KCNA6: variants seen among roughly 807,000 people sequenced by gnomAD.
The protein encoded by KCNA6 is human brain potassium channel-2.
Under a neutral mutation model 29.5 loss-of-function variants are expected in KCNA6, and 17 were observed. The ratio of observed to expected loss-of-function variants is 0.58; its 90% CI spans 0.39 to 0.86. The LOEUF is 0.86. Among genes scored for constraint, KCNA6 ranks in the 40% least tolerant of loss-of-function variants. The probability of loss-of-function intolerance (pLI) is 0.00; values close to 1 mark genes in which losing one functional copy is unlikely to be tolerated. For synonymous variants in KCNA6, 296 were observed against 304.7 expected (o/e 0.97, Z 0.30); for missense variants, 450 against 703.4 (o/e 0.64, Z 4.07).
the KCNA6 span, chr12:4,839,055 G>C: frequency 6.6e-6 from 1 of 152,162 alleles, no homozygotes; most frequent in Non-Finnish European, 1.5e-5. Context: ...AGGAGTTCAG[G>C]CATAATATGC....
the KCNA6 span, among the ~76,000 whole-genome samples, chr12:4,831,762 C>G: frequency 6.6e-6 from 1 of 152,166 alleles, no homozygotes; most frequent in Non-Finnish European, 1.5e-5. Context: ...AGCTTCCATT[C>G]AGCTCAGACT....
At position 4,811,104 on chromosome 12, in the gene KCNA6, C is replaced by A; in HGVS notation, c.1063C>A (p.Leu355Ile). Residue 355 changes from leucine (L) to isoleucine (I), a missense_variant, in exon 1 of 1, where the codon CTC (leucine) becomes ATC (isoleucine). By Grantham distance (5) the Leu-to-Ile change is conservative. Around this residue, in one of 7 missense-constraint regions of KCNA6, gnomAD observed 12 missense variants for 64.4 expected, o/e 0.19. Coordinates refer to ENST00000280684, the Ensembl canonical transcript of KCNA6. This position sits in a 1 kb window ranked among gnomAD's most constrained non-coding sequence, Gnocchi z 7.1. The stretch of plus-strand genomic sequence containing the variant: ...GGTCCGGGTGTTCCGCATCTTCAAG[C>A]TCTCCCGCCACTCCAAGGGGCTGCA... 6.2e-7 allele frequency: 1 copy of A among 1,612,696 alleles called. No individual in the cohort carries two copies. The highest frequency in any genetic ancestry group is 8.5e-7 in the Non-Finnish European group (1 of 1,179,246).
At chr12:4,838,036 G>C in the KCNA6 span, among the ~76,000 whole-genome samples, 2 of 152,112 alleles carry the variant, frequency 1.3e-5, no homozygotes, top group Non-Finnish European at 2.9e-5. Flanking sequence ...CCCACTAAGA[G>C]GGCATAAGGT....
At chr12:4,843,531 G>A in the KCNA6 span, among the ~76,000 whole-genome samples, 1 of 152,124 alleles carries the variant, frequency 6.6e-6, no homozygotes. Flanking sequence ...TTTGAAAAGC[G>A]AAACAATAGT....
At chr12:4,827,251 C>G in the KCNA6 span, among the ~76,000 whole-genome samples, 6 of 150,288 alleles carry the variant, frequency 4.0e-5, no homozygotes, top group Non-Finnish European at 5.9e-5. Context: ...TTCCCTCCTT[C>G]CTTCCTTTCT....
the KCNA6 span, among the ~76,000 whole-genome samples, chr12:4,839,632 A>G: frequency 6.6e-6 from 1 of 152,204 alleles, no homozygotes; most frequent in Non-Finnish European, 1.5e-5. Flanking sequence ...TATCAAAGCA[A>G]TGTATTTTCT....
the KCNA6 span, among the ~76,000 whole-genome samples, chr12:4,829,277 C>T: frequency 6.6e-6 from 1 of 152,136 alleles, no homozygotes; most frequent in African/African-American, 2.4e-5. Context: ...CCCATCCCCC[C>T]AAAGCATGTC....
the KCNA6 span, among the ~76,000 whole-genome samples, chr12:4,846,667 A>C: frequency 6.6e-6 from 1 of 151,698 alleles, no homozygotes. Context: ...CAAATGCACC[A>C]GGCTCTCTCT....
chr12:4,844,906 C>A, the KCNA6 span, among the ~76,000 whole-genome samples: 1 of 152,142 alleles, frequency 6.6e-6, no homozygotes, highest in African/African-American at 2.4e-5. The surrounding 1 kb of genome is among the most constrained non-coding windows in gnomAD (Gnocchi z 4.0). Flanking sequence ...TCTTCACCTG[C>A]TTAATTTTCA....
In KCNA6 at chr12:4,810,098, G is replaced by A. The variant is rs1421622575; in HGVS notation, c.57G>A (p.Glu19=). 1 of 1,571,576 alleles carries A rather than the reference G, an allele frequency of 6.4e-7. No homozygotes were observed. The stretch of plus-strand genomic sequence containing the variant: ...CGCCGGGGGAGGTCCGTGGGCCGGA[G>A]GGAGAGCAACAGGATGCGGGAGACT... The change falls in exon 1 of 1, where the codon GAG becomes GAA. Residue 19 remains glutamate, a synonymous_variant. Coordinates refer to ENST00000280684, the Ensembl canonical transcript of KCNA6. This position sits in a 1 kb window ranked among gnomAD's most constrained non-coding sequence, Gnocchi z 7.5.
the KCNA6 span, among the ~76,000 whole-genome samples, chr12:4,839,944 TG>T: frequency 6.6e-6 from 1 of 150,800 alleles, no homozygotes; most frequent in Non-Finnish European, 1.5e-5. Flanking sequence ...CACAATTTTT[TG>T]TTTCTTTTTT....
the KCNA6 span, among the ~76,000 whole-genome samples, chr12:4,835,934 GTTTTTTT>G: frequency 1.4e-4 from 19 of 137,214 alleles, no homozygotes; most frequent in African/African-American, 2.4e-4. Context: ...AAAAGTCGCT[GTTTTTTT>G]TTTTTTTTTT....
chr12:4,811,722 T>C lies in KCNA6; in HGVS notation c.*91T>C. On this transcript the variant is annotated 3_prime_UTR_variant, in exon 1 of 1. Coordinates refer to ENST00000280684, the Ensembl canonical transcript of KCNA6. The surrounding 1 kb of genome is among the most constrained non-coding windows in gnomAD (Gnocchi z 7.1). ...TTCCACTACTCACTCTAGCTTCAGT[T>C]GACTTCTTGACTCTCTCCCCTACAC... 2.1e-6 allele frequency: 3 copies of C among 1,429,368 alleles called. No homozygotes were observed. Among genetic ancestry groups the C allele is most frequent in the Non-Finnish European group, 2.9e-6 (3 of 1,048,646 alleles). 88.5% of individuals were successfully genotyped at this position (1,429,368 alleles called of 1,614,324 possible). A position where few individuals can be genotyped will look rare whatever the true frequency, so the allele number is the denominator to read the frequency against.
the KCNA6 span, among the ~76,000 whole-genome samples, chr12:4,834,109 A>T: frequency 6.6e-6 from 1 of 151,624 alleles, no homozygotes; most frequent in Non-Finnish European, 1.5e-5. Flanking sequence ...TTTTATTTTT[A>T]TTTTTTGTAG....
At chr12:4,819,736 A>C in the KCNA6 span, among the ~76,000 whole-genome samples, 254 of 152,302 alleles carry the variant, frequency 1.7e-3, 1 homozygote, top group Non-Finnish European at 3.3e-3. Flanking sequence ...GGCTGCCCTC[A>C]TGGTTGAGGA....
At chr12:4,825,055 A>G in the KCNA6 span, among the ~76,000 whole-genome samples, 8 of 152,348 alleles carry the variant, frequency 5.3e-5, no homozygotes, top group African/African-American at 1.9e-4. Context: ...AATCCATAAT[A>G]TAGACTCCTT....
the KCNA6 span, among the ~76,000 whole-genome samples, chr12:4,849,701 G>C: frequency 6.6e-6 from 1 of 152,058 alleles, no homozygotes; most frequent in African/African-American, 2.4e-5. Flanking sequence ...ATGGACCTTT[G>C]GGCTTGCTCC....
In KCNA6 at chr12:4,811,088, G is replaced by T; in HGVS notation, c.1047G>T (p.Val349=). 2 of 1,613,450 alleles carry T rather than the reference G, an allele frequency of 1.2e-6. No individual in the cohort carries two copies. Among genetic ancestry groups the T allele is most frequent in the Non-Finnish European group, 1.7e-6 (2 of 1,179,778 alleles). Residue 349 remains valine (V), a synonymous_variant, in exon 1 of 1, where the codon GTG becomes GTT. Coordinates refer to ENST00000280684, the Ensembl canonical transcript of KCNA6. This position sits in a 1 kb window ranked among gnomAD's most constrained non-coding sequence, Gnocchi z 7.1. ...TCCGAGTCATCCGCCTGGTCCGGGT[G>T]TTCCGCATCTTCAAGCTCTCCCGCC...
the KCNA6 span, among the ~76,000 whole-genome samples, chr12:4,830,493 C>T: frequency 4.6e-5 from 7 of 152,190 alleles, no homozygotes; most frequent in Admixed American, 3.3e-4. Flanking sequence ...AGTCCCACTC[C>T]GGACACCTGG....
Sources: gnomAD v4.1 joint callset for allele counts (sites outside exome capture counted in the v4.1 genomes callset) on GRCh38, gnomAD v4.1.1 for gene constraint, gnomAD v4.1.1 regional missense constraint, Gnocchi (gnomAD v3.1) non-coding constraint, MANE v1.5 for transcripts, NCBI Gene and HGNC (gene_info 2026-07-23, HGNC 2026-07-21) for gene names.